The following ADAMTS19 variants were observed in gnomAD, a reference collection of about 807,000 sequenced individuals.
ADAMTS19 encodes A disintegrin and metalloproteinase with thrombospondin motifs 19.
A neutral mutation model predicts 153.3 loss-of-function variants in ADAMTS19; 93 were observed. That is an observed-to-expected ratio of 0.61 (90% CI 0.51 to 0.72). ADAMTS19 has a LOEUF of 0.72. ADAMTS19 is among the 30% of genes least tolerant of loss of function. ADAMTS19 has a pLI of 0.00. For synonymous variants in ADAMTS19, 600 were observed against 556.6 expected (o/e 1.08, Z -1.10); for missense variants, 1,482 against 1,552.1 (o/e 0.95, Z 0.76).
intron 16 of ADAMTS19, among the ~76,000 whole-genome samples, chr5:129,676,049 T>A (rs1754536374): frequency 1.3e-5 from 2 of 151,866 alleles, no homozygotes; most frequent in African/African-American, 4.8e-5. Flanking sequence ...AAAATAATAA[T>A]AATAAAAAAA....
chr5:129,720,775 G>A (rs1305703939), intron 21 of ADAMTS19, among the ~76,000 whole-genome samples: 1 of 152,122 alleles, frequency 6.6e-6, no homozygotes, highest in Non-Finnish European at 1.5e-5. Context: ...AGGTTTTTAG[G>A]AATAGCCCAT....
rs146944336 is a variant in ADAMTS19, at chr5:129,498,201, A to G, written c.748-10876A>G. On this transcript the variant is annotated intron_variant, in intron 2 of 22. Transcript: ENST00000274487. ...TAATGACACCATTATTTATTGCTTT[A>G]ATTACTGTAGTAGCCTCCCAACAAG... is the stretch of plus-strand genomic sequence containing the variant. 4.6e-5 allele frequency among the ~76,000 whole-genome samples: 7 copies of G among 152,164 alleles called. 1 individual carries two copies. In the East Asian group the frequency reaches 1.4e-3, roughly 29 times the overall value.
intron 18 of ADAMTS19, among the ~76,000 whole-genome samples, chr5:129,690,281 C>T (rs1418473754): frequency 6.6e-6 from 1 of 152,110 alleles, no homozygotes; most frequent in Non-Finnish European, 1.5e-5. Context: ...CACCCACGTG[C>T]CAGGTGGAAG....
chr5:129,485,706 G>A lies in ADAMTS19; in HGVS notation c.748-23371G>A, dbSNP rs371519691. Among the ~76,000 whole-genome samples, 397 of 152,074 alleles carry A rather than the reference G, an allele frequency of 2.6e-3. 2 individuals carry two copies. The highest frequency in any genetic ancestry group is 9.1e-3 in the African/African-American group (378 of 41,506). On this transcript the variant is annotated intron_variant, in intron 2 of 22. Coordinates refer to ENST00000274487, the MANE Select transcript of ADAMTS19 (RefSeq NM_133638.6). ...GAAAGTTTACAACTTTGGATAAAAGGGACAAATTCTTTGAAAAATACATAT... is the reference window on the plus strand; with the variant it reads ...GAAAGTTTACAACTTTGGATAAAAGAGACAAATTCTTTGAAAAATACATAT...
chr5:129,549,587 A>T (rs901187219), intron 6 of ADAMTS19, among the ~76,000 whole-genome samples: 2 of 151,748 alleles, frequency 1.3e-5, no homozygotes, highest in African/African-American at 4.8e-5. Flanking sequence ...ACAGGGAAAC[A>T]TCAAAAAATT....
At chr5:129,608,858 A>G (rs1170309564) in intron 8 of ADAMTS19, among the ~76,000 whole-genome samples, 11 of 144,068 alleles carry the variant, frequency 7.6e-5, no homozygotes, top group African/African-American at 3.0e-4. Flanking sequence ...AAAAAAAAAG[A>G]AAAAAAAAAA....
At chr5:129,682,609 C>T (rs1315563987) in intron 17 of ADAMTS19, among the ~76,000 whole-genome samples, 1 of 152,126 alleles carries the variant, frequency 6.6e-6, no homozygotes, top group African/African-American at 2.4e-5. Context: ...TAATAATAGT[C>T]TGGGTATAGT....
intron 6 of ADAMTS19, among the ~76,000 whole-genome samples, chr5:129,532,274 A>G (rs1315535401): frequency 2.0e-5 from 3 of 152,210 alleles, no homozygotes; most frequent in African/African-American, 7.2e-5. Flanking sequence ...ATGTTTACGT[A>G]TGTGTGTATA....
At chr5:129,567,699 C>G (rs1753763901) in intron 7 of ADAMTS19, among the ~76,000 whole-genome samples, 1 of 151,826 alleles carries the variant, frequency 6.6e-6, no homozygotes, top group African/African-American at 2.4e-5. Flanking sequence ...AACAGAGCCT[C>G]AGAAACTCAC....
rs1239144725 is a variant in ADAMTS19, at chr5:129,688,477, TTTAC to T, written c.2818+4205_2818+4208del. Reference sequence around the variant, plus strand: ...TAGCTAATTTTTATCATAATTATATTTTACATCAGCATCTCAAACTAAGTTTTAA... The same window carrying T: ...TAGCTAATTTTTATCATAATTATATTATCAGCATCTCAAACTAAGTTTTAA... On this transcript the variant is annotated intron_variant, in intron 18 of 22. Coordinates refer to ENST00000274487, the MANE Select transcript of ADAMTS19 (RefSeq NM_133638.6). 1.3e-4 allele frequency among the ~76,000 whole-genome samples: 20 copies of T among 151,974 alleles called. No individual in the cohort carries two copies. In the East Asian group the frequency reaches 3.9e-3, roughly 29 times the overall value.
intron 2 of ADAMTS19, among the ~76,000 whole-genome samples, chr5:129,496,950 A>C (rs747998858): frequency 1.3e-5 from 2 of 152,124 alleles, no homozygotes; most frequent in African/African-American, 2.4e-5. Context: ...TTTTGCAACA[A>C]AAAGAAGCCA....
chr5:129,481,281 A>G (rs1289698568), intron 2 of ADAMTS19, among the ~76,000 whole-genome samples: 3 of 152,150 alleles, frequency 2.0e-5, no homozygotes, highest in Non-Finnish European at 2.9e-5. Context: ...GTGCAGGGAA[A>G]ACTGCCACTT....
chr5:129,490,525 G>A (rs1750729190), intron 2 of ADAMTS19, among the ~76,000 whole-genome samples: 1 of 152,060 alleles, frequency 6.6e-6, no homozygotes, highest in Non-Finnish European at 1.5e-5. Context: ...GGCAACTAAA[G>A]CTCTCTAATT....
rs569378230 is a variant in ADAMTS19, at chr5:129,551,959, C to T, written c.1372+52C>T. ...GGAGTTCTGGAGAACTTGAACATAT[C>T]ACTTGTTTAAGTATAGGAAATTATT... On this transcript the variant is annotated intron_variant, in intron 7 of 22. Coordinates refer to ENST00000274487, the MANE Select transcript of ADAMTS19 (RefSeq NM_133638.6). 4.2e-6 allele frequency: 5 copies of T among 1,199,620 alleles called. No homozygotes were observed. In the East Asian group the frequency reaches 1.0e-4, roughly 25 times the overall value. 74.3% of individuals were successfully genotyped at this position (1,199,620 alleles called of 1,614,324 possible).
chr5:129,545,959 C>T (rs1179446217), intron 6 of ADAMTS19, among the ~76,000 whole-genome samples: 1 of 149,198 alleles, frequency 6.7e-6, no homozygotes, highest in East Asian at 1.9e-4. Flanking sequence ...CGGCACTATT[C>T]ACAATAGCAA....
chr5:129,541,331 T>C (rs964048126), intron 6 of ADAMTS19, among the ~76,000 whole-genome samples: 3 of 152,028 alleles, frequency 2.0e-5, no homozygotes, highest in Non-Finnish European at 4.4e-5. Flanking sequence ...TTTCACATTA[T>C]GTAAATCAAA....
At chr5:129,477,419 T>G (rs1190772591) in intron 2 of ADAMTS19, among the ~76,000 whole-genome samples, 1 of 152,140 alleles carries the variant, frequency 6.6e-6, no homozygotes, top group African/African-American at 2.4e-5. Flanking sequence ...TGATACAACC[T>G]TCGTATGAGG....
At position 129,734,915 on chromosome 5, in the gene ADAMTS19, C is replaced by T. The variant is rs978650621; in HGVS notation, c.3313-17C>T. Reference sequence around the variant, plus strand: ...AAAAATAAAAAAGAACCTAAACAAACCTTGTATTTCTCCTAGTGCTCAATT... The same window carrying T: ...AAAAATAAAAAAGAACCTAAACAAATCTTGTATTTCTCCTAGTGCTCAATT... On this transcript the variant is annotated splice_polypyrimidine_tract_variant and intron_variant, in intron 21 of 22. Transcript: ENST00000274487. 5 of 1,533,018 alleles carry T rather than the reference C, an allele frequency of 3.3e-6. No homozygotes were observed. Among genetic ancestry groups the T allele is most frequent in the East Asian group, 2.4e-5 (1 of 42,284 alleles). The allele number at this position is 1,533,018 out of a possible 1,614,324, so 95.0% of individuals were successfully genotyped here. A position where few individuals can be genotyped will look rare whatever the true frequency, so the allele number is the denominator to read the frequency against.
chr5:129,553,540 A>G (rs781210622), intron 7 of ADAMTS19, among the ~76,000 whole-genome samples: 1 of 152,130 alleles, frequency 6.6e-6, no homozygotes, highest in Non-Finnish European at 1.5e-5. Flanking sequence ...GTTCATTAAG[A>G]TCTTCAAATA....
Sources: gnomAD v4.1 joint callset for allele counts (sites outside exome capture counted in the v4.1 genomes callset) on GRCh38, gnomAD v4.1.1 for gene constraint, MANE v1.5 for transcripts, NCBI Gene and HGNC (gene_info 2026-07-23, HGNC 2026-07-21) for gene names.